TMEM70: variants seen among roughly 807,000 people sequenced by gnomAD.
The protein encoded by TMEM70 is transmembrane protein 70, mitochondrial.
TMEM70 carries 15 observed loss-of-function variants against 20.5 expected under a neutral mutation model. The ratio of observed to expected loss-of-function variants is 0.73; its 90% CI spans 0.49 to 1.13. TMEM70 has a LOEUF of 1.13. Among genes scored for constraint, TMEM70 ranks in the 50% most tolerant of loss-of-function variants. TMEM70 has a pLI of 0.00. For synonymous variants in TMEM70, 141 were observed against 134.2 expected (o/e 1.05, Z -0.35); for missense variants, 344 against 331.7 (o/e 1.04, Z -0.29).
At chr8:73,976,865 G>C (rs745905099) in intron 1 of TMEM70, among the ~76,000 whole-genome samples, 4 of 152,212 alleles carry the variant, frequency 2.6e-5, no homozygotes, top group African/African-American at 4.8e-5. Context: ...CTTTGAGCTT[G>C]TTCTACTTTT....
Position 73,981,513 on chromosome 8 carries a change from C to G in TMEM70, c.675C>G (p.Leu225=). 1.2e-6 allele frequency: 2 copies of G among 1,613,844 alleles called. No individual in the cohort carries two copies. The highest frequency in any genetic ancestry group is 2.2e-5 in the South Asian group (2 of 91,080). The change falls in exon 3 of 3, where the codon CTC becomes CTG. Residue 225 remains leucine (L), a synonymous_variant. Transcript: ENST00000312184. ...KTKSLLVNPV[L]FPNREDYIHL... is the part of the protein sequence containing the mutation. ...AATCACTGTTAGTTAATCCAGTGCT[C>G]TTTCCAAACCGTGAAGACTATATCC...
At position 73,982,522 on chromosome 8, in the gene TMEM70, A is replaced by G. The variant is rs781180376; in HGVS notation, c.*901A>G. On this transcript the variant is annotated 3_prime_UTR_variant, in exon 3 of 3. Transcript: ENST00000312184. ...TTACCAGTTGTTAAAAAATTTTCAAAAAACCGCAAAATTTCAAGAAATTCA... is the reference window on the plus strand; with the variant it reads ...TTACCAGTTGTTAAAAAATTTTCAAGAAACCGCAAAATTTCAAGAAATTCA... The G allele has an allele frequency of 8.7e-6, 5 of 574,676 alleles. No homozygotes were observed. Among genetic ancestry groups the G allele is most frequent in the Non-Finnish European group, 1.3e-5 (4 of 301,712 alleles). The allele number at this position is 574,676 out of a possible 1,614,324, so 35.6% of individuals were successfully genotyped here.
Position 73,981,961 on chromosome 8 carries a change from A to G in TMEM70, c.*340A>G, listed in dbSNP as rs1563700531. 3 of 484,558 alleles carry G rather than the reference A, an allele frequency of 6.2e-6. No homozygotes were observed. The highest frequency in any genetic ancestry group is 4.0e-6 in the Non-Finnish European group (1 of 247,674). The allele number at this position is 484,558 out of a possible 1,614,324, so 30.0% of individuals were successfully genotyped here. A position where few individuals can be genotyped will look rare whatever the true frequency, so the allele number is the denominator to read the frequency against. ...TTTGTGTATGGATTTTTCTAAGTGTATAAATATTTTCCGACATTAAAAGAC... is the reference window on the plus strand; with the variant it reads ...TTTGTGTATGGATTTTTCTAAGTGTGTAAATATTTTCCGACATTAAAAGAC... On this transcript the variant is annotated 3_prime_UTR_variant, in exon 3 of 3. Coordinates refer to ENST00000312184, the MANE Select transcript of TMEM70 (RefSeq NM_017866.6).
At position 73,976,473 on chromosome 8, in the gene TMEM70, G is replaced by T; in HGVS notation, c.192G>T (p.Arg64=). 2 of 1,542,296 alleles carry T rather than the reference G, an allele frequency of 1.3e-6. No individual in the cohort carries two copies. The highest frequency in any genetic ancestry group is 1.7e-6 in the Non-Finnish European group (2 of 1,150,294). ...TGPSGAARLL[R]RPGRAQIPVY... is the part of the protein sequence containing the mutation. ...CTTCGGGAGCCGCGCGCCTTCTCCG[G>T]CGTCCGGGTCGAGCGCAGGTAGGGC... Residue 64 remains arginine, a synonymous_variant, in exon 1 of 3, where the codon CGG becomes CGT. Coordinates refer to ENST00000312184, the MANE Select transcript of TMEM70 (RefSeq NM_017866.6).
intron 2 of TMEM70, among the ~76,000 whole-genome samples, chr8:73,979,887 TA>T (rs1156574280): frequency 6.6e-6 from 1 of 152,060 alleles, no homozygotes; most frequent in African/African-American, 2.4e-5. Flanking sequence ...CTTGGCTAAT[TA>T]AAAAAAATTT....
chr8:73,982,738 C>T lies in TMEM70; in HGVS notation c.*1117C>T, dbSNP rs1477568938. On this transcript the variant is annotated 3_prime_UTR_variant, in exon 3 of 3. Coordinates refer to ENST00000312184, the MANE Select transcript of TMEM70 (RefSeq NM_017866.6). ...ACTGTGCACTCCTCCCTTGGTGGCA[C>T]CCTATGGGTGTAGGAAAACCACTGT... 1 of 454,976 alleles carries T rather than the reference C, an allele frequency of 2.2e-6. No homozygotes were observed. Among genetic ancestry groups the T allele is most frequent in the Admixed American group, 2.3e-5 (1 of 42,592 alleles). The allele number at this position is 454,976 out of a possible 1,614,324, so 28.2% of individuals were successfully genotyped here.
intron 1 of TMEM70, 107 bp from the exon 2 acceptor site, chr8:73,978,649 C>A: frequency 8.6e-7 from 1 of 1,162,790 alleles, no homozygotes; most frequent in Non-Finnish European, 1.2e-6. Context: ...GCTGAGATCG[C>A]ACCACTGCCC....
rs770816150 is a variant in TMEM70, at chr8:73,976,397, C to G, written c.116C>G (p.Ala39Gly). 6.9e-6 allele frequency: 11 copies of G among 1,589,122 alleles called. No homozygotes were observed. The East Asian group carries it at 2.0e-4, about 29-fold the overall frequency. ...LRGPRASVSR[A>G]SSSSGPSGPV... ...GGTCCCCGGGCCTCTGTCTCCCGGG[C>G]GTCCTCCAGCAGCGGGCCTTCGGGG... The change falls in exon 1 of 3, where the codon GCG becomes GGG. Residue 39 changes from alanine (A) to glycine (G), a missense_variant. Coordinates refer to ENST00000312184, the MANE Select transcript of TMEM70 (RefSeq NM_017866.6).
rs1369561445 is a variant in TMEM70 at position 73,976,464 on chromosome 8, C to T, written c.183C>T (p.Arg61=). 5 of 1,546,664 alleles carry T rather than the reference C, an allele frequency of 3.2e-6. No homozygotes were observed. Among genetic ancestry groups the T allele is most frequent in the Admixed American group, 3.9e-5 (2 of 51,606 alleles). The change falls in exon 1 of 3, where the codon CGC becomes CGT. Residue 61 remains arginine (R), a synonymous_variant. Transcript: ENST00000312184. ...GTACGGGGCCTTCGGGAGCCGCGCG[C>T]CTTCTCCGGCGTCCGGGTCGAGCGC... The part of the protein sequence containing the change: ...GWSTGPSGAA[R]LLRRPGRAQI...
In TMEM70 at chr8:73,978,772, A is replaced by G. The variant is rs2131233746; in HGVS notation, c.227A>G (p.Glu76Gly). The G allele has an allele frequency of 1.2e-6, 2 of 1,613,922 alleles. No individual in the cohort carries two copies. The highest frequency in any genetic ancestry group is 4.5e-5 in the East Asian group (2 of 44,854). The change falls in exon 2 of 3, where the codon GAA (glutamate) becomes GGA (glycine). Residue 76 changes from glutamate to glycine, a missense_variant. Coordinates refer to ENST00000312184, the MANE Select transcript of TMEM70 (RefSeq NM_017866.6). ...TTTCAATAGATCCCTGTTTATTGGGAAGGATATGTTCGATTCTTAAATACG... is the reference window on the plus strand; with the variant it reads ...TTTCAATAGATCCCTGTTTATTGGGGAGGATATGTTCGATTCTTAAATACG... ...PGRAQIPVYW[E>G]GYVRFLNTPS...
chr8:73,980,438 G>A (rs1014547059), intron 2 of TMEM70, among the ~76,000 whole-genome samples: 1 of 151,904 alleles, frequency 6.6e-6, no homozygotes, highest in African/African-American at 2.4e-5. Flanking sequence ...TGCAGTCTTG[G>A]CTCACTGCAG....
intron 1 of TMEM70, among the ~76,000 whole-genome samples, chr8:73,977,385 A>G (rs1311549086): frequency 2.0e-5 from 3 of 151,566 alleles, no homozygotes; most frequent in African/African-American, 7.3e-5. Context: ...ACGGGGTTTC[A>G]CCGTGTTGGC....
chr8:73,982,293 C>G lies in TMEM70; in HGVS notation c.*672C>G, dbSNP rs369995633. The G allele has an allele frequency of 5.2e-5, 33 of 630,860 alleles. 2 individuals carry two copies. Among genetic ancestry groups the G allele is most frequent in the African/African-American group, 3.6e-4 (20 of 56,048 alleles). The allele number at this position is 630,860 out of a possible 1,614,324, so 39.1% of individuals were successfully genotyped here. A position where few individuals can be genotyped will look rare whatever the true frequency, so the allele number is the denominator to read the frequency against. On this transcript the variant is annotated 3_prime_UTR_variant, in exon 3 of 3. Transcript: ENST00000312184. ...GTGAAAGGACCAGTTTGAATGCCTA[C>G]CAAGACTTTGAGAATCACTACAAGA... is the stretch of plus-strand genomic sequence containing the variant.
intron 1 of TMEM70, 104 bp downstream of exon 1, chr8:73,976,595 G>A (rs927177196): frequency 6.7e-6 from 8 of 1,199,590 alleles, no homozygotes; most frequent in Non-Finnish European, 9.0e-6. Flanking sequence ...CCAGGTGTCC[G>A]TGGCTGGAGC....
chr8:73,977,096 G>C (rs933233464), intron 1 of TMEM70, among the ~76,000 whole-genome samples: 3 of 152,206 alleles, frequency 2.0e-5, no homozygotes, highest in Admixed American at 2.0e-4. Flanking sequence ...TTTACATTTT[G>C]AAGTGTATAC....
Position 73,981,684 on chromosome 8 carries a change from C to T in TMEM70, c.*63C>T, listed in dbSNP as rs935739599. The T allele has an allele frequency of 2.5e-6, 3 of 1,178,718 alleles. No homozygotes were observed. The highest frequency in any genetic ancestry group is 3.1e-5 in the African/African-American group (2 of 64,452). 73.0% of individuals were successfully genotyped at this position (1,178,718 alleles called of 1,614,324 possible). ...GTTTTAATGTATAATAATAAAATTG[C>T]CTTTTGCATTCCGTTAGTGACTGAT... On this transcript the variant is annotated 3_prime_UTR_variant, in exon 3 of 3. Coordinates refer to ENST00000312184, the MANE Select transcript of TMEM70 (RefSeq NM_017866.6).
rs1815642184 is a variant in TMEM70 at position 73,976,302 on chromosome 8, C to T, written c.21C>T (p.Gly7=). The T allele has an allele frequency of 1.2e-6, 2 of 1,600,870 alleles. No homozygotes were observed. The highest frequency in any genetic ancestry group is 2.2e-5 in the East Asian group (1 of 44,852). The change falls in exon 1 of 3, where the codon GGC becomes GGT. Residue 7 remains glycine (G), a synonymous_variant. Transcript: ENST00000312184. MLFLAL[G]SPWAVELPLC... The stretch of plus-strand genomic sequence containing the variant: ...GCGTGATGCTGTTTCTGGCGTTGGG[C>T]AGCCCGTGGGCGGTCGAACTGCCTC...
Position 73,979,081 on chromosome 8 carries a change from T to C in TMEM70, c.316+220T>C, listed in dbSNP as rs759784602. 14 of 642,176 alleles carry C rather than the reference T, an allele frequency of 2.2e-5. No individual in the cohort carries two copies. The African/African-American group carries it at 2.3e-4, about 11-fold the overall frequency. The allele number at this position is 642,176 out of a possible 1,614,324, so 39.8% of individuals were successfully genotyped here. The stretch of plus-strand genomic sequence containing the variant: ...CAGAGTCTCACTCTGTTGTCCAGGC[T>C]GGAGTGCAGTGGCATGATCTTGGTT... On this transcript the variant is annotated intron_variant, in intron 2 of 2. Coordinates refer to ENST00000312184, the MANE Select transcript of TMEM70 (RefSeq NM_017866.6).
At position 73,976,252 on chromosome 8, in the gene TMEM70, G is replaced by GGGCGTCCGCAGCCGC; in HGVS notation, c.-29_-15dup. ...TCGCAGTCGTGGACTCGTGCAGCTG[G>GGGCGTCCGCAGCCGC]GGCGTCCGCAGCCGCTCGTCACCCG... On this transcript the variant is annotated 5_prime_UTR_variant, in exon 1 of 3. Coordinates refer to ENST00000312184, the MANE Select transcript of TMEM70 (RefSeq NM_017866.6). 6.3e-7 allele frequency: 1 copy of GGGCGTCCGCAGCCGC among 1,587,894 alleles called. No individual in the cohort carries two copies. The highest frequency in any genetic ancestry group is 1.1e-5 in the South Asian group (1 of 89,602).
Sources: gnomAD v4.1 joint callset for allele counts (sites outside exome capture counted in the v4.1 genomes callset) on GRCh38, gnomAD v4.1.1 for gene constraint, MANE v1.5 for transcripts, NCBI Gene and HGNC (gene_info 2026-07-23, HGNC 2026-07-21) for gene names.